Variants in RUNX1 observed in about 807,000 individuals in gnomAD.
RUNX1 encodes the protein RUNX family transcription factor 1.
In RUNX1, 19 loss-of-function variants were observed where a neutral mutation model predicts 42.8. The observed-to-expected ratio is 0.44, with a 90% CI of 0.31 to 0.65. RUNX1 has a LOEUF of 0.65. Ranked by LOEUF, RUNX1 falls within the 30% of genes least tolerant of loss-of-function variation. The pLI is 0.07. For synonymous variants in RUNX1, 271 were observed against 289.4 expected, an observed-to-expected ratio of 0.94 and a Z score of 0.64; for missense variants, 528 against 672.0, an observed-to-expected ratio of 0.79 and a Z score of 2.37.
At chr21:34,919,374 T>A (rs564318890) in intron 2 of RUNX1, among the ~76,000 whole-genome samples, 3 of 152,268 alleles carry the variant, frequency 2.0e-5, no homozygotes, top group South Asian at 2.1e-4. Flanking sequence ...AAGACCACAT[T>A]TTACGTTTGA....
intron 4 of RUNX1, among the ~76,000 whole-genome samples, chr21:34,882,421 A>G (rs537572245): frequency 1.3e-5 from 2 of 152,292 alleles, no homozygotes; most frequent in East Asian, 1.9e-4. Flanking sequence ...ATTTTCCTCT[A>G]TTTTATCCAA....
chr21:34,950,875 C>G (rs542014873), intron 2 of RUNX1, among the ~76,000 whole-genome samples: 1 of 152,272 alleles, frequency 6.6e-6, no homozygotes, highest in South Asian at 2.1e-4. Flanking sequence ...TAACTTCCAG[C>G]GTGGTTTAGG....
chr21:34,987,046 T>C (rs145753045), intron 2 of RUNX1, among the ~76,000 whole-genome samples: 2 of 152,168 alleles, frequency 1.3e-5, no homozygotes, highest in South Asian at 4.1e-4. Context: ...CCCAGGTAAG[T>C]GTGTTTCTTG....
chr21:34,917,589 T>G (rs1295356612), intron 2 of RUNX1, among the ~76,000 whole-genome samples: 1 of 152,212 alleles, frequency 6.6e-6, no homozygotes. Flanking sequence ...CAACATCCCT[T>G]GATATCTCTC....
intron 3 of RUNX1, chr21:34,888,604 G>T: frequency 9.4e-7 from 1 of 1,058,402 alleles, no homozygotes; most frequent in Non-Finnish European, 1.1e-6. Flanking sequence ...GGAAAGAAGT[G>T]CCTGGCGGCG....
intron 2 of RUNX1, among the ~76,000 whole-genome samples, chr21:34,982,448 G>A (rs914700314): frequency 1.3e-5 from 2 of 151,418 alleles, no homozygotes. Context: ...AAGGGAAGGA[G>A]GAGAGAGTTT....
intron 2 of RUNX1, among the ~76,000 whole-genome samples, chr21:34,948,672 ACAGTACAGAGCAGAC>A (rs1308239373): frequency 6.6e-6 from 1 of 152,190 alleles, no homozygotes; most frequent in Non-Finnish European, 1.5e-5. Context: ...GAGAGCTAGG[ACAGTACAGAGCAGAC>A]CACTTACAGC....
chr21:35,008,864 C>G (rs1287583258), intron 2 of RUNX1, among the ~76,000 whole-genome samples: 1 of 151,992 alleles, frequency 6.6e-6, no homozygotes, highest in African/African-American at 2.4e-5. Flanking sequence ...ATTAGAACGT[C>G]AAGTAGGACC....
intron 2 of RUNX1, among the ~76,000 whole-genome samples, chr21:35,039,032 G>A (rs190413406): frequency 2.6e-5 from 4 of 152,320 alleles, no homozygotes; most frequent in East Asian, 3.9e-4. Context: ...AGCAGGGGCC[G>A]GTTACTCCTA....
intron 8 of RUNX1, among the ~76,000 whole-genome samples, chr21:34,793,894 A>G (rs895259676): frequency 6.6e-6 from 1 of 151,786 alleles, no homozygotes; most frequent in African/African-American, 2.4e-5. Context: ...AGTGGAGATG[A>G]GATTTCACCA....
rs751191137 is a variant in RUNX1, at chr21:34,799,334, T to C, written c.934A>G (p.Thr312Ala). 5.0e-6 allele frequency: 8 copies of C among 1,614,166 alleles called. No individual in the cohort carries two copies. Among genetic ancestry groups the C allele is most frequent in the East Asian group, 2.2e-5 (1 of 44,874 alleles). Reference protein sequence around the residue: ...ISPGRASGMTTLSAELSSRLS... With the variant: ...ISPGRASGMTALSAELSSRLS... ...CGACTGGAAAGTTCTGCAGAGAGGGTTGTCATGCCGCTGGCACGTCCAGGT... is the reference window on the plus strand; with the variant it reads ...CGACTGGAAAGTTCTGCAGAGAGGGCTGTCATGCCGCTGGCACGTCCAGGT... The change falls in exon 8 of 9, where the codon ACC (threonine) becomes GCC (alanine). Residue 312 changes from threonine to alanine, a missense_variant. Thr to Ala is a moderately conservative substitution (Grantham distance 58, BLOSUM62 0). Coordinates refer to ENST00000675419, the MANE Select transcript of RUNX1 (RefSeq NM_001754.5).
In RUNX1 at chr21:34,942,073, A is replaced by G. The variant is rs140980145; in HGVS notation, c.59-49110T>C. On this transcript the variant is annotated intron_variant, in intron 2 of 8. Transcript: ENST00000675419. ...GGCCACCCCCTGCTGCATCCATCAA[A>G]TACCAGATTGAATTAGTGAGATTCA... 3.3e-5 allele frequency among the ~76,000 whole-genome samples: 5 copies of G among 152,262 alleles called. No individual in the cohort carries two copies. In the East Asian group the frequency reaches 9.6e-4, roughly 29 times the overall value.
Position 34,980,543 on chromosome 21 carries a change from C to A in RUNX1, c.58+68299G>T, listed in dbSNP as rs72613618. Among the ~76,000 whole-genome samples, 852 of 152,288 alleles carry A rather than the reference C, an allele frequency of 5.6e-3. 4 individuals carry two copies. Among genetic ancestry groups the A allele is most frequent in the African/African-American group, 0.02 (812 of 41,552 alleles). On this transcript the variant is annotated intron_variant, in intron 2 of 8. Coordinates refer to ENST00000675419, the MANE Select transcript of RUNX1 (RefSeq NM_001754.5). ...CAGAATCAGGACCAACATCACTGAA[C>A]AAAGAGACACGAATTAAAAATCAGT...
chr21:34,857,400 T>A (rs576851698), intron 6 of RUNX1, among the ~76,000 whole-genome samples: 1 of 152,344 alleles, frequency 6.6e-6, no homozygotes, highest in East Asian at 1.9e-4. Flanking sequence ...CGCCACCATT[T>A]GTTTTCTGAA....
intron 4 of RUNX1, among the ~76,000 whole-genome samples, chr21:34,886,280 T>C (rs527611482): frequency 3.3e-5 from 5 of 152,336 alleles, no homozygotes; most frequent in African/African-American, 1.2e-4. Context: ...CAGAAAACTT[T>C]TGCAAACTTA....
intron 6 of RUNX1, among the ~76,000 whole-genome samples, chr21:34,849,933 C>T (rs2057393681): frequency 6.6e-6 from 1 of 151,052 alleles, no homozygotes; most frequent in South Asian, 2.1e-4. Context: ...ATTATTATTA[C>T]TATTATTATT....
At chr21:34,882,062 G>C (rs2057913242) in intron 4 of RUNX1, among the ~76,000 whole-genome samples, 1 of 152,036 alleles carries the variant, frequency 6.6e-6, no homozygotes, top group Admixed American at 6.5e-5. Context: ...CCTTAATCTA[G>C]TGTTATCACT....
At chr21:34,889,936 C>G in intron 3 of RUNX1, 3 of 875,566 alleles carry the variant, frequency 3.4e-6, no homozygotes, top group African/African-American at 1.8e-5. Flanking sequence ...CGGCCCCGTT[C>G]CACCGCGGGC....
chr21:34,829,960 A>C (rs1332371463), intron 7 of RUNX1: 1 of 152,172 alleles, frequency 6.6e-6, no homozygotes, highest in Admixed American at 6.5e-5. Flanking sequence ...GACTTAAATA[A>C]CTCTATACAA....
Sources: allele counts gnomAD v4.1 joint callset (sites outside exome capture counted in the v4.1 genomes callset), GRCh38; gene constraint gnomAD v4.1.1; transcripts MANE v1.5; gene names NCBI Gene and HGNC (gene_info 2026-07-23, HGNC 2026-07-21).